Variants in DIP2C observed in about 807,000 individuals in gnomAD.
The protein encoded by DIP2C is disco-interacting protein 2 homolog C.
A neutral mutation model predicts 192.4 loss-of-function variants in DIP2C; 33 were observed. The observed-to-expected ratio is 0.17, with a 90% CI of 0.13 to 0.23. DIP2C has a LOEUF of 0.23. Ranked by LOEUF, DIP2C falls within the 10% of genes least tolerant of loss-of-function variation. The pLI, the probability that DIP2C is intolerant of heterozygous loss-of-function variation, is 1.00. For synonymous variants in DIP2C, 979 were observed against 864.1 expected (o/e 1.13, Z -2.33); for missense variants, 1,537 against 2,110.1 (o/e 0.73, Z 5.32).
intron 7 of DIP2C, 33 bp downstream of exon 7, chr10:415,736 C>T (rs1036106155): frequency 1.2e-6 from 2 of 1,611,466 alleles, no homozygotes; most frequent in African/African-American, 2.7e-5. Context: ...ATAGGAGCAT[C>T]TGGAAGAAAC....
At chr10:416,267 G>A (rs769208834) in intron 6 of DIP2C, among the ~76,000 whole-genome samples, 6 of 152,008 alleles carry the variant, frequency 3.9e-5, no homozygotes, top group South Asian at 4.2e-4. Context: ...GAGACCATCC[G>A]TGGAGCAGTA....
intron 17 of DIP2C, among the ~76,000 whole-genome samples, chr10:372,437 T>G (rs1961077972): frequency 6.6e-6 from 1 of 152,244 alleles, no homozygotes; most frequent in South Asian, 2.1e-4. Flanking sequence ...ATTTAATAAT[T>G]GAATATGTTA....
At chr10:615,614 TACACACACACACCCGCCCCAC>T in intron 1 of DIP2C, among the ~76,000 whole-genome samples, 1 of 150,644 alleles carries the variant, frequency 6.6e-6, no homozygotes, top group Admixed American at 6.6e-5. Context: ...TAGGTTCATA[TACACACACACACCCGCCCCAC>T]ACACACACAC....
At chr10:550,780 C>T (rs1441543139) in intron 1 of DIP2C, among the ~76,000 whole-genome samples, 2 of 152,208 alleles carry the variant, frequency 1.3e-5, no homozygotes, top group Non-Finnish European at 2.9e-5. Flanking sequence ...TTGCAATAAA[C>T]AAGCATCCCT....
chr10:633,077 T>G (rs1342997002), intron 1 of DIP2C, among the ~76,000 whole-genome samples: 1 of 152,260 alleles, frequency 6.6e-6, no homozygotes, highest in Admixed American at 6.5e-5. Flanking sequence ...TGGAAGGAAC[T>G]GAGGAGGATG....
In DIP2C at chr10:611,428, T is replaced by TC. The variant is rs1407827291; in HGVS notation, c.85+78065dup. On this transcript the variant is annotated intron_variant, in intron 1 of 36. Coordinates refer to ENST00000280886, the MANE Select transcript of DIP2C (RefSeq NM_014974.3). ...TCCTTCTACCCAGCGGCCATCAAGG[T>TC]CCCGCACTCTAGCTGGTTTTCCGAA... is the stretch of plus-strand genomic sequence containing the variant. Among the ~76,000 whole-genome samples the TC allele has an allele frequency of 7.9e-5, 12 of 152,136 alleles. No homozygotes were observed. The East Asian group carries it at 2.3e-3, about 29-fold the overall frequency.
At chr10:571,266 G>C (rs1341180011) in intron 1 of DIP2C, among the ~76,000 whole-genome samples, 1 of 152,208 alleles carries the variant, frequency 6.6e-6, no homozygotes, top group Non-Finnish European at 1.5e-5. Flanking sequence ...TCGGGATAAC[G>C]TCGACCACAT....
chr10:285,088 AC>A (rs1955026970), intron 34 of DIP2C, among the ~76,000 whole-genome samples: 1 of 150,416 alleles, frequency 6.6e-6, no homozygotes, highest in Non-Finnish European at 1.5e-5. Context: ...TGAGAGCTGC[AC>A]AGAATTTTAT....
chr10:629,865 TC>T (rs935733664), intron 1 of DIP2C: 58 of 152,380 alleles, frequency 3.8e-4, no homozygotes, highest in African/African-American at 1.3e-3. Context: ...ACAGTATAGA[TC>T]TGGACTCCAT....
intron 1 of DIP2C, among the ~76,000 whole-genome samples, chr10:509,257 G>C (rs746138456): frequency 6.6e-6 from 1 of 152,126 alleles, no homozygotes; most frequent in Admixed American, 6.6e-5. Context: ...CGTCCTAACC[G>C]CGCCAGGTAT....
rs1327291624 is a variant in DIP2C, at chr10:447,368, C to T, written c.269-6372G>A. ...ACAGTGGGGCAGCAGGACCCACTCACCCCTGTCGATACTCAGGATCACACA... is the reference window on the plus strand; with the variant it reads ...ACAGTGGGGCAGCAGGACCCACTCATCCCTGTCGATACTCAGGATCACACA... On this transcript the variant is annotated intron_variant, in intron 3 of 36. Transcript: ENST00000280886. Among the ~76,000 whole-genome samples, 27 of 147,236 alleles carry T rather than the reference C, an allele frequency of 1.8e-4. No individual in the cohort carries two copies. In the South Asian group the frequency reaches 4.2e-3, roughly 23 times the overall value.
chr10:337,800 C>CGTGTGTCGTGGAGGCCTAGGCAGCTGTGT (rs1957931578), intron 29 of DIP2C, among the ~76,000 whole-genome samples: 5 of 122,548 alleles, frequency 4.1e-5, no homozygotes, highest in African/African-American at 1.7e-4. Flanking sequence ...TGTGTGTGCA[C>CGTGTGTCGTGGAGGCCTAGGCAGCTGTGT]GTGTGTCGTG....
chr10:318,456 A>C (rs1311435025), intron 31 of DIP2C, among the ~76,000 whole-genome samples: 2 of 152,186 alleles, frequency 1.3e-5, no homozygotes, highest in Non-Finnish European at 2.9e-5. Flanking sequence ...CGTGTCCAGG[A>C]ACAAGGTCAG....
intron 4 of DIP2C, among the ~76,000 whole-genome samples, chr10:424,985 CACGGATGAT>C (rs1234853826): frequency 2.1e-5 from 3 of 142,946 alleles, no homozygotes; most frequent in African/African-American, 7.8e-5. Flanking sequence ...ACTAATACGA[CACGGATGAT>C]ACAGCATGAC....
chr10:407,430 T>C (rs1964883784), intron 9 of DIP2C, among the ~76,000 whole-genome samples: 1 of 152,120 alleles, frequency 6.6e-6, no homozygotes. Context: ...CTGTTTTCAA[T>C]CCTTTTGGGT....
intron 1 of DIP2C, among the ~76,000 whole-genome samples, chr10:554,203 A>G (rs978442784): frequency 4.6e-5 from 7 of 152,174 alleles, no homozygotes; most frequent in African/African-American, 1.7e-4. Context: ...GAGAAAAGGT[A>G]TAGCTTGTAA....
chr10:469,971 G>A (rs924681682), intron 3 of DIP2C, among the ~76,000 whole-genome samples: 13 of 152,176 alleles, frequency 8.5e-5, no homozygotes, highest in South Asian at 4.1e-4. Context: ...TGTGGACCTC[G>A]TATTCTTATG....
Position 290,103 on chromosome 10 carries a change from AG to A in DIP2C, c.3987-1683del, listed in dbSNP as rs1369198169. ...GGAGAACAGAGAGGAGACGCTGGGG[AG>A]GGTGCCTGTGTGCATCAGCAGGAGT... On this transcript the variant is annotated intron_variant, in intron 32 of 36. Coordinates refer to ENST00000280886, the MANE Select transcript of DIP2C (RefSeq NM_014974.3). 4.6e-5 allele frequency among the ~76,000 whole-genome samples: 7 copies of A among 152,138 alleles called. No homozygotes were observed. The East Asian group carries it at 1.3e-3, about 29-fold the overall frequency.
chr10:497,373 G>A (rs887319378), intron 1 of DIP2C, among the ~76,000 whole-genome samples: 14 of 152,174 alleles, frequency 9.2e-5, no homozygotes, highest in Non-Finnish European at 2.1e-4. Context: ...TCAGCAGGCA[G>A]GGGAAGGAAT....
Sources: allele counts gnomAD v4.1 joint callset (sites outside exome capture counted in the v4.1 genomes callset), GRCh38; gene constraint gnomAD v4.1.1; transcripts MANE v1.5; gene names NCBI Gene and HGNC (gene_info 2026-07-23, HGNC 2026-07-21).